The following ARIH1 variants were observed in gnomAD, a reference collection of about 807,000 sequenced individuals.
ARIH1 encodes E3 ubiquitin-protein ligase ARIH1.
In ARIH1, 8 loss-of-function variants were observed where a neutral mutation model predicts 85.0. The observed-to-expected ratio is 0.09, with a 90% CI of 0.06 to 0.17. The LOEUF (loss-of-function observed/expected upper bound fraction) is 0.17, where lower values mean the gene tolerates loss of function less well. Among genes scored for constraint, ARIH1 ranks in the 10% least tolerant of loss-of-function variants. ARIH1 has a pLI of 1.00. For synonymous variants in ARIH1, 238 were observed against 253.6 expected, an observed-to-expected ratio of 0.94 and a Z score of 0.59; for missense variants, 311 against 718.1, an observed-to-expected ratio of 0.43 and a Z score of 6.48.
intron 1 of ARIH1, among the ~76,000 whole-genome samples, chr15:72,497,612 T>C (rs1238541402): frequency 6.6e-6 from 1 of 152,186 alleles, no homozygotes; most frequent in African/African-American, 2.4e-5. Flanking sequence ...AGGTTTTATG[T>C]GTCATTCTAG....
chr15:72,530,448 C>A lies in ARIH1; in HGVS notation c.443+12314C>A, dbSNP rs145430853. On this transcript the variant is annotated intron_variant, in intron 2 of 13. Transcript: ENST00000379887. The stretch of plus-strand genomic sequence containing the variant: ...AGAGCGAAAATTGAATACACTAGCT[C>A]CTTAAAGACTGAAGATGATCTTCAT... Among the ~76,000 whole-genome samples the A allele has an allele frequency of 4.8e-3, 730 of 152,234 alleles. 24 individuals carry two copies. Among genetic ancestry groups the A allele is most frequent in the Admixed American group, 0.037 (569 of 15,292 alleles).
chr15:72,555,431 T>G lies in ARIH1; in HGVS notation c.681+68T>G, dbSNP rs1268495745. On this transcript the variant is annotated intron_variant, in intron 4 of 13. Transcript: ENST00000379887. ...ATAGTGTTAAGACCCTTGCACAAATTTGCACAAATAAAAACAGGTGAAGCT... is the reference window on the plus strand; with the variant it reads ...ATAGTGTTAAGACCCTTGCACAAATGTGCACAAATAAAAACAGGTGAAGCT... The G allele has an allele frequency of 9.6e-6, 11 of 1,140,474 alleles. No homozygotes were observed. In the South Asian group the frequency reaches 1.2e-4, roughly 13 times the overall value. 70.6% of individuals were successfully genotyped at this position (1,140,474 alleles called of 1,614,324 possible).
chr15:72,529,829 C>T (rs1282610449), intron 2 of ARIH1, among the ~76,000 whole-genome samples: 1 of 151,918 alleles, frequency 6.6e-6, no homozygotes, highest in Non-Finnish European at 1.5e-5. Flanking sequence ...CTGGAGTATG[C>T]GAAGAATAGA....
At chr15:72,557,181 C>T (rs1383780031) in intron 5 of ARIH1, among the ~76,000 whole-genome samples, 1 of 151,842 alleles carries the variant, frequency 6.6e-6, no homozygotes, top group African/African-American at 2.4e-5. Context: ...TGTGGTACAT[C>T]ATTACGGTTT....
intron 2 of ARIH1, among the ~76,000 whole-genome samples, chr15:72,539,304 A>G (rs527649853): frequency 7.2e-5 from 11 of 152,360 alleles, no homozygotes; most frequent in African/African-American, 2.4e-4. Context: ...TGCCTGGACT[A>G]CTATCCAGGC....
chr15:72,557,823 G>A (rs59029026), intron 5 of ARIH1, among the ~76,000 whole-genome samples: 5,800 of 152,150 alleles, frequency 0.038, 330 homozygotes, highest in African/African-American at 0.13. Context: ...CGATAGGATT[G>A]CATTATTAAT....
At chr15:72,483,151 C>G (rs749411928) in intron 1 of ARIH1, among the ~76,000 whole-genome samples, 1 of 152,128 alleles carries the variant, frequency 6.6e-6, no homozygotes, top group Non-Finnish European at 1.5e-5. Flanking sequence ...CATGAGCCAC[C>G]GTGTCTGGCC....
intron 1 of ARIH1, among the ~76,000 whole-genome samples, chr15:72,489,744 G>A (rs768639118): frequency 2.0e-5 from 3 of 152,138 alleles, no homozygotes; most frequent in African/African-American, 4.8e-5. Flanking sequence ...GAATCTTAGC[G>A]TATTGCTGTT....
At chr15:72,507,495 C>T (rs1248055414) in intron 1 of ARIH1, among the ~76,000 whole-genome samples, 1 of 152,064 alleles carries the variant, frequency 6.6e-6, no homozygotes, top group Non-Finnish European at 1.5e-5. Context: ...CCTCACTCCC[C>T]CCATATTCTG....
At chr15:72,475,379 C>A (rs1409034058) in intron 1 of ARIH1, among the ~76,000 whole-genome samples, 1 of 152,166 alleles carries the variant, frequency 6.6e-6, no homozygotes, top group African/African-American at 2.4e-5. Flanking sequence ...GAAGAGGAGT[C>A]AGGAAGAATT....
chr15:72,580,308 G>A (rs987257967), intron 11 of ARIH1, among the ~76,000 whole-genome samples: 1 of 152,080 alleles, frequency 6.6e-6, no homozygotes, highest in African/African-American at 2.4e-5. Flanking sequence ...CATACATGAC[G>A]TTTTCTTTCT....
intron 1 of ARIH1, among the ~76,000 whole-genome samples, chr15:72,493,505 T>G (rs2140397635): frequency 6.6e-6 from 1 of 152,186 alleles, no homozygotes; most frequent in East Asian, 1.9e-4. Flanking sequence ...TACTGAAGGG[T>G]TGGTGGGTTT....
intron 1 of ARIH1, among the ~76,000 whole-genome samples, chr15:72,499,663 T>C (rs1349533885): frequency 6.6e-6 from 1 of 152,254 alleles, no homozygotes; most frequent in Admixed American, 6.5e-5. Flanking sequence ...TAATTTCAAA[T>C]GCTGTGAACC....
chr15:72,570,188 A>G lies in ARIH1; in HGVS notation c.1038A>G (p.Lys346=). ...GTTTCTCTTCATAGGAATGTCCCAA[A>G]TGCCATGTCACAATTGAGAAGGATG... ...WIAANTKECP[K]CHVTIEKDGG... is the part of the protein sequence containing the mutation. The change falls in exon 10 of 14, where the codon AAA becomes AAG. Residue 346 remains lysine (K), a synonymous_variant. Transcript: ENST00000379887. 1.9e-6 allele frequency: 3 copies of G among 1,614,010 alleles called. No homozygotes were observed. Among genetic ancestry groups the G allele is most frequent in the Non-Finnish European group, 2.5e-6 (3 of 1,179,908 alleles).
intron 2 of ARIH1, among the ~76,000 whole-genome samples, chr15:72,521,695 C>A (rs183173781): frequency 2.6e-4 from 39 of 151,926 alleles, no homozygotes; most frequent in African/African-American, 9.4e-4. Flanking sequence ...GTTACAGGCA[C>A]CCACCACCAT....
chr15:72,526,393 A>G (rs541019918), intron 2 of ARIH1, among the ~76,000 whole-genome samples: 9 of 152,272 alleles, frequency 5.9e-5, no homozygotes, highest in African/African-American at 2.2e-4. Flanking sequence ...GTTTAAACAA[A>G]TTTATACTGA....
intron 3 of ARIH1, among the ~76,000 whole-genome samples, chr15:72,548,370 T>A (rs2064138511): frequency 6.6e-6 from 1 of 152,074 alleles, no homozygotes; most frequent in Admixed American, 6.6e-5. Flanking sequence ...GAGAAAAGAT[T>A]TAAAAAGTTA....
chr15:72,503,327 G>A (rs2063911381), intron 1 of ARIH1, among the ~76,000 whole-genome samples: 1 of 152,140 alleles, frequency 6.6e-6, no homozygotes, highest in Non-Finnish European at 1.5e-5. Flanking sequence ...TGTGGTTAAG[G>A]CAGCAGCTAG....
intron 2 of ARIH1, among the ~76,000 whole-genome samples, chr15:72,523,116 G>A (rs1434655772): frequency 6.6e-6 from 1 of 152,178 alleles, no homozygotes; most frequent in African/African-American, 2.4e-5. Context: ...CTCTTACTAT[G>A]TAACTCAGCA....
Sources: gnomAD v4.1 joint callset for allele counts (sites outside exome capture counted in the v4.1 genomes callset) on GRCh38, gnomAD v4.1.1 for gene constraint, MANE v1.5 for transcripts, NCBI Gene and HGNC (gene_info 2026-07-23, HGNC 2026-07-21) for gene names.